The following NLRC5 variants were observed in gnomAD, a reference collection of about 807,000 sequenced individuals.
NLRC5 encodes protein NLRC5.
Under a neutral mutation model 206.9 loss-of-function variants are expected in NLRC5, and 114 were observed. That is an observed-to-expected ratio of 0.55 (90% CI 0.47 to 0.64). The LOEUF (loss-of-function observed/expected upper bound fraction) is 0.64. NLRC5 is among the 30% of genes least tolerant of loss of function. The probability of loss-of-function intolerance (pLI) is 0.00; values close to 1 mark genes in which losing one functional copy is unlikely to be tolerated. For synonymous variants in NLRC5, 952 were observed against 962.8 expected (o/e 0.99, Z 0.21); for missense variants, 2,008 against 2,305.5 (o/e 0.87, Z 2.64).
At chr16:57,027,927 G>A (rs1309729381) in intron 6 of NLRC5, 145 bp from the exon 7 acceptor site, 4 of 556,056 alleles carry the variant, frequency 7.2e-6, no homozygotes, top group African/African-American at 3.8e-5. Context: ...TGGAGAATGG[G>A]CTTTGGTGGA....
At chr16:57,015,357 T>TG (rs200877338) in intron 1 of NLRC5, among the ~76,000 whole-genome samples, 3,229 of 152,202 alleles carry the variant, frequency 0.021, 98 homozygotes, top group African/African-American at 0.067. Context: ...GGTGAATTGG[T>TG]GGGGGAGGTG....
chr16:56,989,785 G>A (rs574754701), intron 1 of NLRC5, among the ~76,000 whole-genome samples, 168 bp downstream of exon 1: 1 of 152,222 alleles, frequency 6.6e-6, no homozygotes, highest in Non-Finnish European at 1.5e-5. Flanking sequence ...TGGGTAAGCG[G>A]ACAGGGCGCC....
intron 5 of NLRC5, among the ~76,000 whole-genome samples, chr16:57,024,372 C>T (rs966995364): frequency 6.6e-6 from 1 of 152,216 alleles, no homozygotes; most frequent in African/African-American, 2.4e-5. Context: ...TCGTTCTCCA[C>T]GAGTTGTCCC....
Position 57,034,191 on chromosome 16 carries a change from T to C in NLRC5, c.2567T>C (p.Val856Ala), listed in dbSNP as rs762593171. ...AGGCTGCAGAAGTGTCAGCTCCAGG[T>C]CCACGATGCGGAGGCCCTCATAGCC... ...TLRLQKCQLQ[V>A]HDAEALIALL... Residue 856 changes from valine (V) to alanine (A), a missense_variant, in exon 13 of 49, where the codon GTC becomes GCC. Transcript: ENST00000688547. 131 of 1,613,948 alleles carry C rather than the reference T, an allele frequency of 8.1e-5. 2 individuals are homozygous for C. In the South Asian group the frequency reaches 1.4e-3, roughly 17 times the overall value.
At chr16:57,076,232 G>A (rs2068381891) in intron 39 of NLRC5, among the ~76,000 whole-genome samples, 1 of 152,172 alleles carries the variant, frequency 6.6e-6, no homozygotes, top group African/African-American at 2.4e-5. Flanking sequence ...AATTTAATTT[G>A]CAAAATAAAA....
rs193131552 is a variant in NLRC5, at chr16:57,014,733, A to G, written c.-127-2341A>G. On this transcript the variant is annotated intron_variant, in intron 1 of 48. Coordinates refer to ENST00000688547, the MANE Select transcript of NLRC5 (RefSeq NM_001384950.1). ...TTGGGCTGTTATAATGAAACACTGTAGACTGGGTGGCTTAAACAACAGAAA... is the reference window on the plus strand; with the variant it reads ...TTGGGCTGTTATAATGAAACACTGTGGACTGGGTGGCTTAAACAACAGAAA... 5.6e-4 allele frequency among the ~76,000 whole-genome samples: 86 copies of G among 152,282 alleles called. 1 individual carries two copies. The highest frequency in any genetic ancestry group is 3.1e-3 in the Admixed American group (48 of 15,290).
At chr16:57,063,258 G>A (rs559602926) in intron 32 of NLRC5, among the ~76,000 whole-genome samples, 7 of 151,522 alleles carry the variant, frequency 4.6e-5, no homozygotes, top group African/African-American at 1.2e-4. Context: ...GATTACAGGC[G>A]CCCGCCACCA....
At chr16:56,991,953 T>G (rs1482563756) in intron 1 of NLRC5, 1 of 152,212 alleles carries the variant, frequency 6.6e-6, no homozygotes, top group South Asian at 2.1e-4. Context: ...GAGGTCATAC[T>G]GGAGTAGGAT....
At chr16:57,059,913 A>G (rs1252303371) in intron 30 of NLRC5, among the ~76,000 whole-genome samples, 3 of 151,988 alleles carry the variant, frequency 2.0e-5, no homozygotes, top group Non-Finnish European at 4.4e-5. Flanking sequence ...AAATGGGGAT[A>G]ATAACACAAC....
rs141673616 is a variant in NLRC5, at chr16:57,066,581, G to A, written c.4289G>A (p.Arg1430His). ...CTCTGTGTCCAGCTGGAATTTCCTC[G>A]CCAGGAAGAGAATCCAGAAGCTGTG... ...QQLCVQLEFP[R>H]QEENPEAVAL... The change falls in exon 34 of 49, where the codon CGC (arginine) becomes CAC (histidine). Residue 1430 changes from arginine to histidine, a missense_variant. Arg to His is a conservative substitution (Grantham distance 29). Transcript: ENST00000688547. 4,875 of 1,613,958 alleles carry A rather than the reference G, an allele frequency of 3.0e-3. 12 individuals are homozygous for A. Among genetic ancestry groups the A allele is most frequent in the Non-Finnish European group, 3.9e-3 (4,609 of 1,179,970 alleles).
chr16:57,061,823 A>C (rs1360020368), intron 32 of NLRC5, 122 bp downstream of exon 32: 9 of 1,536,760 alleles, frequency 5.9e-6, no homozygotes, highest in African/African-American at 2.8e-5. Flanking sequence ...CAACCCTGCC[A>C]TCTGGACCCT....
intron 32 of NLRC5, chr16:57,062,543 C>T: frequency 6.1e-6 from 1 of 162,624 alleles, no homozygotes; most frequent in Non-Finnish European, 1.3e-5. Flanking sequence ...CTGCTCCTGA[C>T]TCTGGTGGCT....
Position 57,079,375 on chromosome 16 carries a change from G to A in NLRC5, c.5237+83G>A, listed in dbSNP as rs182638287. ...TCTGACTGAGCCTAACACCTGGGGAGGCCTTTGAAGTGATAGAAGCCCCAG... is the reference window on the plus strand; with the variant it reads ...TCTGACTGAGCCTAACACCTGGGGAAGCCTTTGAAGTGATAGAAGCCCCAG... On this transcript the variant is annotated intron_variant, in intron 45 of 48. Coordinates refer to ENST00000688547, the MANE Select transcript of NLRC5 (RefSeq NM_001384950.1). The A allele has an allele frequency of 3.9e-4, 581 of 1,501,750 alleles. 3 individuals carry two copies. Among genetic ancestry groups the A allele is most frequent in the Non-Finnish European group, 1.7e-4 (187 of 1,081,962 alleles). 93.0% of individuals were successfully genotyped at this position (1,501,750 alleles called of 1,614,324 possible).
At chr16:57,038,034 T>C (rs1194662966) in intron 15 of NLRC5, among the ~76,000 whole-genome samples, 1 of 152,198 alleles carries the variant, frequency 6.6e-6, no homozygotes, top group Non-Finnish European at 1.5e-5. Flanking sequence ...CAGGAACTTA[T>C]ACTAAATAAA....
At chr16:57,054,887 C>T in intron 25 of NLRC5, 47 bp downstream of exon 25, 1 of 1,598,462 alleles carries the variant, frequency 6.3e-7, no homozygotes, top group Non-Finnish European at 8.6e-7. Context: ...AAGGGTTGTG[C>T]CTGGAGTCTG....
Position 57,069,911 on chromosome 16 carries a change from G to A in NLRC5, c.4575G>A (p.Glu1525=). Reference sequence around the variant, plus strand: ...GTCTGGGCCACTGCCACCACTTGGAGGAGCTGGAGTGAGTTGCAGAGTGGA... The same window carrying A: ...GTCTGGGCCACTGCCACCACTTGGAAGAGCTGGAGTGAGTTGCAGAGTGGA... The part of the protein sequence containing the change: ...ASGLGHCHHL[E]ELDLSNNQFD... Residue 1525 remains glutamate (E), a synonymous_variant, in exon 37 of 49, where the codon GAG becomes GAA. Transcript: ENST00000688547. The A allele has an allele frequency of 1.9e-6, 3 of 1,577,408 alleles. No individual in the cohort carries two copies. Among genetic ancestry groups the A allele is most frequent in the Non-Finnish European group, 2.6e-6 (3 of 1,162,084 alleles).
At chr16:57,001,979 C>T (rs1050423436) in intron 1 of NLRC5, among the ~76,000 whole-genome samples, 1 of 152,066 alleles carries the variant, frequency 6.6e-6, no homozygotes, top group Non-Finnish European at 1.5e-5. Flanking sequence ...TTTTAGATCC[C>T]ACAAATAAGT....
chr16:57,030,645 TGG>T, intron 10 of NLRC5, among the ~76,000 whole-genome samples: 2 of 151,616 alleles, frequency 1.3e-5, no homozygotes, highest in African/African-American at 4.9e-5. Flanking sequence ...GATGGATGGA[TGG>T]ATGGATGGAT....
At chr16:57,029,284 G>A (rs1328474604) in intron 8 of NLRC5, among the ~76,000 whole-genome samples, 1 of 152,184 alleles carries the variant, frequency 6.6e-6, no homozygotes, top group Non-Finnish European at 1.5e-5. Context: ...TCCCCAGCTA[G>A]GAACCCAGGC....
Sources: allele counts gnomAD v4.1 joint callset (sites outside exome capture counted in the v4.1 genomes callset), GRCh38; gene constraint gnomAD v4.1.1; transcripts MANE v1.5; gene names NCBI Gene and HGNC (gene_info 2026-07-23, HGNC 2026-07-21).